CDK14: variants seen among roughly 807,000 people sequenced by gnomAD.
CDK14 encodes the protein cyclin-dependent kinase 14.
A neutral mutation model predicts 60.7 loss-of-function variants in CDK14; 34 were observed. The observed-to-expected ratio is 0.56, with a 90% CI of 0.43 to 0.75. CDK14 has a LOEUF of 0.75. Among genes scored for constraint, CDK14 ranks in the 30% least tolerant of loss-of-function variants. The pLI is 0.00. For synonymous variants in CDK14, 197 were observed against 203.7 expected, an observed-to-expected ratio of 0.97 and a Z score of 0.28; for missense variants, 482 against 564.1, an observed-to-expected ratio of 0.85 and a Z score of 1.47.
At chr7:90,902,775 A>C (rs556026422) in intron 7 of CDK14, among the ~76,000 whole-genome samples, 1 of 152,192 alleles carries the variant, frequency 6.6e-6, no homozygotes, top group African/African-American at 2.4e-5. Context: ...AGGCTTCTGC[A>C]AAGCAAAGGA....
intron 10 of CDK14, among the ~76,000 whole-genome samples, chr7:91,044,191 A>G (rs903740725): frequency 6.6e-6 from 1 of 151,768 alleles, no homozygotes; most frequent in African/African-American, 2.4e-5. Flanking sequence ...ACATCAATCA[A>G]TACATGTAAG....
At chr7:90,764,524 A>G (rs1053194584) in intron 4 of CDK14, among the ~76,000 whole-genome samples, 4 of 152,140 alleles carry the variant, frequency 2.6e-5, no homozygotes, top group African/African-American at 9.7e-5. Context: ...AACAATGGAG[A>G]GATGGCAGGT....
intron 11 of CDK14, among the ~76,000 whole-genome samples, chr7:91,065,983 C>A (rs1297329846): frequency 1.3e-5 from 2 of 152,188 alleles, no homozygotes; most frequent in Admixed American, 6.5e-5. Context: ...ATGGAAGCAA[C>A]CCCCAGAAAG....
chr7:90,758,225 A>T (rs1428650200), intron 4 of CDK14, among the ~76,000 whole-genome samples: 1 of 151,744 alleles, frequency 6.6e-6, no homozygotes, highest in East Asian at 1.9e-4. Flanking sequence ...TGTTCTCCAG[A>T]TTTCTTCTCT....
At chr7:90,804,049 A>G (rs780754295) in intron 5 of CDK14, among the ~76,000 whole-genome samples, 2 of 152,218 alleles carry the variant, frequency 1.3e-5, no homozygotes, top group Non-Finnish European at 2.9e-5. Flanking sequence ...GTATTCTATT[A>G]TATGGCCTTA....
Position 90,984,106 on chromosome 7 carries a change from A to G in CDK14, c.948-42A>G, listed in dbSNP as rs781706458. The G allele has an allele frequency of 2.0e-5, 25 of 1,251,912 alleles. No homozygotes were observed. In the African/African-American group the frequency reaches 3.0e-4, roughly 15 times the overall value. The allele number at this position is 1,251,912 out of a possible 1,614,324, so 77.6% of individuals were successfully genotyped here. On this transcript the variant is annotated intron_variant, in intron 9 of 14. Coordinates refer to ENST00000380050, the MANE Select transcript of CDK14 (RefSeq NM_001287135.2). ...TTCCAGATTTAGTTTTCCTAAGCAG[A>G]ATATATTGAAGTTTTGTAACGATTC... is the stretch of plus-strand genomic sequence containing the variant.
chr7:90,931,980 A>G (rs987869630), intron 8 of CDK14, among the ~76,000 whole-genome samples: 1 of 152,172 alleles, frequency 6.6e-6, no homozygotes, highest in African/African-American at 2.4e-5. Flanking sequence ...TTTGTTGACA[A>G]TTTACAAGAC....
intron 14 of CDK14, among the ~76,000 whole-genome samples, chr7:91,123,987 A>G (rs950372741): frequency 4.6e-5 from 7 of 151,984 alleles, no homozygotes; most frequent in African/African-American, 1.7e-4. Context: ...CGTGTGTTCA[A>G]GCGATCCTCC....
At chr7:90,762,303 C>A (rs1196279351) in intron 4 of CDK14, among the ~76,000 whole-genome samples, 1 of 152,076 alleles carries the variant, frequency 6.6e-6, no homozygotes, top group Non-Finnish European at 1.5e-5. Flanking sequence ...ATAGTTTTCT[C>A]ATTGTACTGG....
chr7:91,137,151 A>AT (rs1346282641), intron 14 of CDK14, among the ~76,000 whole-genome samples: 3 of 152,128 alleles, frequency 2.0e-5, no homozygotes, highest in Admixed American at 6.5e-5. Context: ...TAAATATGTT[A>AT]TTTTTTGTTA....
chr7:90,859,143 G>A (rs976616727), intron 5 of CDK14, among the ~76,000 whole-genome samples: 1 of 152,174 alleles, frequency 6.6e-6, no homozygotes, highest in African/African-American at 2.4e-5. Context: ...TTTCTTGCCT[G>A]GGAATATACA....
At chr7:90,844,431 G>T (rs1366624511) in intron 5 of CDK14, among the ~76,000 whole-genome samples, 1 of 152,122 alleles carries the variant, frequency 6.6e-6, no homozygotes, top group Non-Finnish European at 1.5e-5. Flanking sequence ...TGGAACAGAT[G>T]GTAGAAAGAG....
chr7:90,761,238 G>T (rs765853759), intron 4 of CDK14, among the ~76,000 whole-genome samples: 1 of 152,054 alleles, frequency 6.6e-6, no homozygotes, highest in Non-Finnish European at 1.5e-5. Flanking sequence ...TTGGACAGGA[G>T]ACGCTCAATA....
intron 12 of CDK14, among the ~76,000 whole-genome samples, chr7:91,094,790 C>T (rs111942529): frequency 3.3e-5 from 5 of 152,250 alleles, no homozygotes; most frequent in African/African-American, 7.2e-5. Context: ...TTCAAAAACT[C>T]GAAAGATAGC....
At chr7:90,815,116 C>T (rs1460186801) in intron 5 of CDK14, among the ~76,000 whole-genome samples, 1 of 152,172 alleles carries the variant, frequency 6.6e-6, no homozygotes, top group Admixed American at 6.5e-5. Context: ...CTTTATGATA[C>T]AGTCAATTGT....
At chr7:90,612,639 G>A (rs1240337898) in intron 2 of CDK14, among the ~76,000 whole-genome samples, 1 of 151,992 alleles carries the variant, frequency 6.6e-6, no homozygotes, top group African/African-American at 2.4e-5. Flanking sequence ...GGGTGTGGTG[G>A]TGGGTACCTG....
At chr7:90,854,590 A>G (rs12534295) in intron 5 of CDK14, among the ~76,000 whole-genome samples, 35,762 of 152,028 alleles carry the variant, frequency 0.24, 4,313 homozygotes, top group South Asian at 0.31. Flanking sequence ...AATAGCTAAT[A>G]TGATATGAAT....
chr7:91,141,799 TTTGTTG>T (rs10654091), intron 14 of CDK14, among the ~76,000 whole-genome samples: 14 of 150,088 alleles, frequency 9.3e-5, no homozygotes, highest in African/African-American at 2.4e-4. Flanking sequence ...AACAGTGGGT[TTTGTTG>T]TTGTTGTTGT....
chr7:91,027,059 G>T (rs1049502707), intron 10 of CDK14, among the ~76,000 whole-genome samples: 3 of 152,212 alleles, frequency 2.0e-5, no homozygotes, highest in African/African-American at 2.4e-5. Flanking sequence ...ACTGATTAAA[G>T]GGTGGGGAAG....
Sources: allele counts gnomAD v4.1 joint callset (sites outside exome capture counted in the v4.1 genomes callset), GRCh38; gene constraint gnomAD v4.1.1; transcripts MANE v1.5; gene names NCBI Gene and HGNC (gene_info 2026-07-23, HGNC 2026-07-21).